Variants in P4HA1 observed in about 807,000 individuals in gnomAD.
P4HA1 encodes the protein prolyl 4-hydroxylase subunit alpha-1.
In P4HA1, 24 loss-of-function variants were observed where a neutral mutation model predicts 72.8. The ratio of observed to expected loss-of-function variants is 0.33; its 90% CI spans 0.24 to 0.46. The LOEUF is 0.46. Ranked by LOEUF, P4HA1 falls within the 20% of genes least tolerant of loss-of-function variation. P4HA1 has a pLI of 1.00. For missense variants in P4HA1, 446 were observed against 640.6 expected (o/e 0.70, Z 3.28); for synonymous variants, 201 against 218.8 (o/e 0.92, Z 0.72).
rs549910789 is a variant in P4HA1 at position 73,014,471 on chromosome 10, C to T, written c.1303-182G>A. Among the ~76,000 whole-genome samples the T allele has an allele frequency of 1.7e-4, 26 of 152,268 alleles. No individual in the cohort carries two copies. In the East Asian group the frequency reaches 4.0e-3, roughly 24 times the overall value. On this transcript the variant is annotated intron_variant, in intron 11 of 14. Coordinates refer to ENST00000394890, the MANE Select transcript of P4HA1 (RefSeq NM_001017962.3). ...AATCTTTTTGTAAGATGGAGTCTTG[C>T]TATGTGGACCAGGGTGATCTTGAAC... is the stretch of plus-strand genomic sequence containing the variant.
chr10:73,095,496 G>A (rs895625660), intron 1 of P4HA1, among the ~76,000 whole-genome samples: 6 of 150,778 alleles, frequency 4.0e-5, no homozygotes, highest in African/African-American at 1.5e-4. Flanking sequence ...AACCTAAAAG[G>A]GGAAATACGT....
rs1840195053 is a variant in P4HA1, at chr10:73,023,808, G to GGAAA, written c.1248+6462_1248+6463insTTTC. 4.7e-5 allele frequency among the ~76,000 whole-genome samples: 4 copies of GGAAA among 85,168 alleles called. 1 individual carries two copies. In the South Asian group the frequency reaches 1.4e-3, roughly 29 times the overall value. The allele number at this position is 85,168 out of a possible 152,430, so 55.9% of individuals were successfully genotyped here. A position where few individuals can be genotyped will look rare whatever the true frequency, so the allele number is the denominator to read the frequency against. On this transcript the variant is annotated intron_variant, in intron 10 of 14. Transcript: ENST00000394890. ...GGAAGATCTACGAAGCAAATGGAAA[G>GGAAA]AAAAAAAAAAAAAAAAGCAGCGGCT...
chr10:73,087,344 C>A (rs1253123435), intron 1 of P4HA1, among the ~76,000 whole-genome samples: 1 of 150,682 alleles, frequency 6.6e-6, no homozygotes, highest in Admixed American at 6.6e-5. Context: ...TCTTGTCTCA[C>A]TGCAACCTCC....
At chr10:73,069,800 T>A (rs1407498334) in intron 4 of P4HA1, among the ~76,000 whole-genome samples, 1 of 150,970 alleles carries the variant, frequency 6.6e-6, no homozygotes, top group Non-Finnish European at 1.5e-5. Flanking sequence ...TAACTTATAA[T>A]CAACTGTTTT....
chr10:73,075,872 A>G (rs1201551932), intron 1 of P4HA1, among the ~76,000 whole-genome samples: 2 of 152,038 alleles, frequency 1.3e-5, no homozygotes, highest in Non-Finnish European at 2.9e-5. Flanking sequence ...CACCCGGCCC[A>G]TCTTTTTCCT....
intron 5 of P4HA1, among the ~76,000 whole-genome samples, chr10:73,058,861 G>A (rs899082579): frequency 7.0e-6 from 1 of 143,732 alleles, no homozygotes; most frequent in African/African-American, 2.7e-5. Flanking sequence ...TGCAACCTCC[G>A]TGCCCCGCCG....
chr10:73,031,864 A>T (rs12248308), intron 9 of P4HA1, among the ~76,000 whole-genome samples: 16,280 of 152,234 alleles, frequency 0.11, 1,250 homozygotes, highest in East Asian at 0.29. Context: ...TTAAGCAGTC[A>T]ATCAGTCCTT....
intron 8 of P4HA1, among the ~76,000 whole-genome samples, chr10:73,045,689 T>C (rs1840839679): frequency 6.6e-6 from 1 of 151,968 alleles, no homozygotes; most frequent in Non-Finnish European, 1.5e-5. Flanking sequence ...GAACGATGAT[T>C]CTGAGGTTGT....
intron 1 of P4HA1, among the ~76,000 whole-genome samples, chr10:73,084,518 A>G (rs555270690): frequency 3.3e-5 from 5 of 152,216 alleles, no homozygotes; most frequent in South Asian, 2.1e-4. Flanking sequence ...TGCCCAGGCT[A>G]GTCTCCAACT....
At position 73,087,987 on chromosome 10, in the gene P4HA1, C is replaced by T. The variant is rs181992959; in HGVS notation, c.-33+8779G>A. Among the ~76,000 whole-genome samples the T allele has an allele frequency of 4.1e-3, 620 of 152,256 alleles. 3 individuals are homozygous for T. Among genetic ancestry groups the T allele is most frequent in the Middle Eastern group, 0.031 (9 of 294 alleles). ...TCATGTCCAAGAAATCTCTGCCTGACCCATGGTCAAAAATATTTTTGTCCT... is the reference window on the plus strand; with the variant it reads ...TCATGTCCAAGAAATCTCTGCCTGATCCATGGTCAAAAATATTTTTGTCCT... On this transcript the variant is annotated intron_variant, in intron 1 of 14. Coordinates refer to ENST00000394890, the MANE Select transcript of P4HA1 (RefSeq NM_001017962.3).
intron 9 of P4HA1, among the ~76,000 whole-genome samples, chr10:73,031,785 T>A (rs969183205): frequency 6.6e-6 from 1 of 152,204 alleles, no homozygotes; most frequent in African/African-American, 2.4e-5. Flanking sequence ...AATTTTATGA[T>A]ACGGGAACTA....
chr10:73,083,881 T>G lies in P4HA1; in HGVS notation c.-32-8966A>C, dbSNP rs1046748660. On this transcript the variant is annotated intron_variant, in intron 1 of 14. Coordinates refer to ENST00000394890, the MANE Select transcript of P4HA1 (RefSeq NM_001017962.3). ...ACTCAAAAAAATGTTAAATGAGAGG[T>G]GGAATCACAGTTGTTTTTCTCTTCC... Among the ~76,000 whole-genome samples the G allele has an allele frequency of 2.6e-5, 4 of 152,132 alleles. No homozygotes were observed. The East Asian group carries it at 7.7e-4, about 29-fold the overall frequency.
In P4HA1 at chr10:73,069,044, G is replaced by A. The variant is rs575681242; in HGVS notation, c.326-61C>T. The A allele has an allele frequency of 8.1e-5, 99 of 1,225,752 alleles. 1 individual carries two copies. The South Asian group carries it at 8.6e-4, about 11-fold the overall frequency. 75.9% of individuals were successfully genotyped at this position (1,225,752 alleles called of 1,614,324 possible). A position where few individuals can be genotyped will look rare whatever the true frequency, so the allele number is the denominator to read the frequency against. ...GAACCTCATAAACTTCCCATAAAGA[G>A]ACTTAATAAGGATTGTTCAAAATCT... On this transcript the variant is annotated intron_variant, in intron 4 of 14. Coordinates refer to ENST00000394890, the MANE Select transcript of P4HA1 (RefSeq NM_001017962.3).
intron 7 of P4HA1, among the ~76,000 whole-genome samples, chr10:73,047,895 T>C (rs11000500): frequency 6.6e-6 from 1 of 151,882 alleles, no homozygotes; most frequent in Non-Finnish European, 1.5e-5. Context: ...TACAAAAAAT[T>C]TAAAAAATTA....
At chr10:73,023,912 T>C (rs1169317396) in intron 10 of P4HA1, among the ~76,000 whole-genome samples, 1 of 151,700 alleles carries the variant, frequency 6.6e-6, no homozygotes, top group Non-Finnish European at 1.5e-5. Context: ...CGTAATGGTA[T>C]AGGGATCAAT....
At chr10:73,081,107 A>C (rs12573499) in intron 1 of P4HA1, among the ~76,000 whole-genome samples, 24,075 of 152,120 alleles carry the variant, frequency 0.16, 3,149 homozygotes, top group African/African-American at 0.34. Context: ...TGTTCTAAAT[A>C]TTCAAACAAG....
At chr10:73,037,525 C>CCA (rs1840605546) in intron 9 of P4HA1, among the ~76,000 whole-genome samples, 2 of 34,298 alleles carry the variant, frequency 5.8e-5, no homozygotes, top group African/African-American at 1.2e-4. Context: ...TCGAAAACCA[C>CCA]TATATATATA....
intron 2 of P4HA1, among the ~76,000 whole-genome samples, chr10:73,074,578 A>G (rs1237254079): frequency 1.3e-5 from 2 of 152,206 alleles, no homozygotes; most frequent in African/African-American, 4.8e-5. Flanking sequence ...ATATCTGTGC[A>G]CTGAAAAAGA....
chr10:73,092,557 T>C (rs1842058888), intron 1 of P4HA1, among the ~76,000 whole-genome samples: 1 of 150,276 alleles, frequency 6.7e-6, no homozygotes, highest in East Asian at 1.9e-4. Flanking sequence ...GGGGTCTCAC[T>C]ATGCTGACCA....
Sources: allele counts gnomAD v4.1 joint callset (sites outside exome capture counted in the v4.1 genomes callset), GRCh38; gene constraint gnomAD v4.1.1; transcripts MANE v1.5; gene names NCBI Gene and HGNC (gene_info 2026-07-23, HGNC 2026-07-21).